DNM1: variants seen among roughly 807,000 people sequenced by gnomAD.
DNM1 encodes the protein dynamin 1, also known as dynamin-1.
DNM1 carries 29 observed loss-of-function variants against 104.6 expected under a neutral mutation model. The ratio of observed to expected loss-of-function variants is 0.28; its 90% CI spans 0.21 to 0.38. The LOEUF (loss-of-function observed/expected upper bound fraction) is 0.38, where lower values mean the gene tolerates loss of function less well. DNM1 is among the 10% of genes least tolerant of loss of function. The pLI is 1.00. For missense variants in DNM1, 640 were observed against 1,189.4 expected, an observed-to-expected ratio of 0.54 and a Z score of 6.79; for synonymous variants, 445 against 475.8, an observed-to-expected ratio of 0.94 and a Z score of 0.84.
At chr9:128,246,693 T>C (rs978576940) in intron 16 of DNM1, among the ~76,000 whole-genome samples, 190 bp downstream of exon 16, 8 of 146,364 alleles carry the variant, frequency 5.5e-5, no homozygotes, top group African/African-American at 2.0e-4. Context: ...CCCCTCCCCT[T>C]CCCTTCCCTC....
Position 128,222,356 on chromosome 9 carries a change from T to C in DNM1, c.992+17T>C, listed in dbSNP as rs751201069. Reference sequence around the variant, plus strand: ...CCTGCTGCAGTGAGGCTCCCCCAGCTCCTATCACTGAATCCCCGCCCCCAG... The same window carrying C: ...CCTGCTGCAGTGAGGCTCCCCCAGCCCCTATCACTGAATCCCCGCCCCCAG... On this transcript the variant is annotated intron_variant, in intron 7 of 21. Coordinates refer to ENST00000372923, the MANE Select transcript of DNM1 (RefSeq NM_004408.4). This position sits in a 1 kb window ranked among gnomAD's most constrained non-coding sequence, Gnocchi z 7.8. 4.3e-6 allele frequency: 7 copies of C among 1,610,242 alleles called. No individual in the cohort carries two copies. The South Asian group carries it at 7.7e-5, about 18-fold the overall frequency.
intron 1 of DNM1, among the ~76,000 whole-genome samples, chr9:128,216,407 G>C (rs149843703): frequency 6.6e-6 from 1 of 152,318 alleles, no homozygotes; most frequent in East Asian, 1.9e-4. Context: ...CTCTATATCA[G>C]AGCACAGATT....
chr9:128,241,474 C>T (rs1236551517), intron 14 of DNM1, among the ~76,000 whole-genome samples: 1 of 152,152 alleles, frequency 6.6e-6, no homozygotes, highest in African/African-American at 2.4e-5. Flanking sequence ...GAGCCAAAGA[C>T]CCTTAGAACC....
chr9:128,208,219 C>G (rs1275828253), intron 1 of DNM1, among the ~76,000 whole-genome samples: 2 of 152,020 alleles, frequency 1.3e-5, no homozygotes, highest in Non-Finnish European at 2.9e-5. Flanking sequence ...ACCACCACGC[C>G]CGGCTAATTT....
chr9:128,218,759 C>G lies in DNM1; in HGVS notation c.385+28C>G. ...GAGGACCCTGGCCCCGCCCTAACCT[C>G]TAAGAATCATTTTCTTGGCCACGCA... On this transcript the variant is annotated intron_variant, in intron 3 of 21. Transcript: ENST00000372923. The surrounding 1 kb of genome is among the most constrained non-coding windows in gnomAD (Gnocchi z 4.8). 1 of 1,568,082 alleles carries G rather than the reference C, an allele frequency of 6.4e-7. No homozygotes were observed. Among genetic ancestry groups the G allele is most frequent in the South Asian group, 1.1e-5 (1 of 87,088 alleles).
chr9:128,231,176 G>A (rs1243254705), intron 10 of DNM1, among the ~76,000 whole-genome samples: 3 of 144,752 alleles, frequency 2.1e-5, no homozygotes, highest in Non-Finnish European at 4.5e-5. Flanking sequence ...TCTAAAAGGA[G>A]GAAACTGATA....
chr9:128,238,951 G>A (rs769488128), intron 11 of DNM1, among the ~76,000 whole-genome samples: 3 of 151,096 alleles, frequency 2.0e-5, no homozygotes, highest in Admixed American at 6.6e-5. Flanking sequence ...CACCGCACCT[G>A]GCCAATTTGT....
In DNM1 at chr9:128,220,742, C is replaced by CGCGCGTGTGTGTGTGT. The variant is rs61020870; in HGVS notation, c.849+402_849+403insCGCGTGTGTGTGTGTG. On this transcript the variant is annotated intron_variant, in intron 6 of 21. Transcript: ENST00000372923. The surrounding 1 kb of genome is among the most constrained non-coding windows in gnomAD (Gnocchi z 5.2). ...CAGAACTGAAGTGCGCGCGCGCGCGCGTGTGTGTGTGTGTGTGTGTGTGTG... is the reference window on the plus strand; with the variant it reads ...CAGAACTGAAGTGCGCGCGCGCGCGCGCGCGTGTGTGTGTGTGTGTGTGTGTGTGTGTGTGTGTGTG... Among the ~76,000 whole-genome samples, 820 of 136,302 alleles carry CGCGCGTGTGTGTGTGT rather than the reference C, an allele frequency of 6.0e-3. 5 individuals are homozygous for CGCGCGTGTGTGTGTGT. The highest frequency in any genetic ancestry group is 0.02 in the African/African-American group (761 of 37,756). 89.4% of individuals were successfully genotyped at this position (136,302 alleles called of 152,430 possible).
In DNM1 at chr9:128,220,742, C is replaced by CGCGCGCGCGCGCGTGTGT. The variant is rs61020870; in HGVS notation, c.849+402_849+403insCGCGCGCGCGCGTGTGTG. 7.3e-6 allele frequency among the ~76,000 whole-genome samples: 1 copy of CGCGCGCGCGCGCGTGTGT among 136,278 alleles called. No individual in the cohort carries two copies. Among genetic ancestry groups the CGCGCGCGCGCGCGTGTGT allele is most frequent in the African/African-American group, 2.7e-5 (1 of 37,720 alleles). 89.4% of individuals were successfully genotyped at this position (136,278 alleles called of 152,430 possible). A position where few individuals can be genotyped will look rare whatever the true frequency, so the allele number is the denominator to read the frequency against. On this transcript the variant is annotated intron_variant, in intron 6 of 21. Transcript: ENST00000372923. The surrounding 1 kb of genome is among the most constrained non-coding windows in gnomAD (Gnocchi z 5.2). ...CAGAACTGAAGTGCGCGCGCGCGCG[C>CGCGCGCGCGCGCGTGTGT]GTGTGTGTGTGTGTGTGTGTGTGTG...
intron 1 of DNM1, among the ~76,000 whole-genome samples, chr9:128,217,992 A>G (rs1334429017): frequency 1.3e-5 from 2 of 152,134 alleles, no homozygotes; most frequent in Admixed American, 1.3e-4. Context: ...CTAGGAGTTG[A>G]TCCAGTCTCT....
intron 10 of DNM1, among the ~76,000 whole-genome samples, chr9:128,230,912 T>C (rs143787903): frequency 0.016 from 2,445 of 151,902 alleles, 38 homozygotes; most frequent in Non-Finnish European, 0.022. Context: ...AAACGATTCT[T>C]ATGCCTCAGC....
rs1341175312 is a variant in DNM1 at position 128,253,833 on chromosome 9, G to T, written c.2535-821G>T. ...ACTGAAGGCAGTGTCCCTGGCCCCA[G>T]CTGAAGCACCGTAGCCAGCCAGCGG... On this transcript the variant is annotated intron_variant, in intron 21 of 21. Transcript: ENST00000372923. This position sits in a 1 kb window ranked among gnomAD's most constrained non-coding sequence, Gnocchi z 5.9. The T allele has an allele frequency of 2.0e-6, 2 of 1,004,512 alleles. No individual in the cohort carries two copies. Among genetic ancestry groups the T allele is most frequent in the East Asian group, 6.6e-5 (2 of 30,220 alleles). 62.2% of individuals were successfully genotyped at this position (1,004,512 alleles called of 1,614,324 possible).
At position 128,220,938 on chromosome 9, in the gene DNM1, C is replaced by A. The variant is rs199692619; in HGVS notation, c.849+597C>A. On this transcript the variant is annotated intron_variant, in intron 6 of 21. Transcript: ENST00000372923. The surrounding 1 kb of genome is among the most constrained non-coding windows in gnomAD (Gnocchi z 5.2). ...CTTTCTTTCTTTCTTTCTTTCTTTTCTTTTCTTTCTTTCTTTCCTTTCTTC... is the reference window on the plus strand; with the variant it reads ...CTTTCTTTCTTTCTTTCTTTCTTTTATTTTCTTTCTTTCTTTCCTTTCTTC... Among the ~76,000 whole-genome samples the A allele has an allele frequency of 3.0e-5, 2 of 67,546 alleles. No homozygotes were observed. The highest frequency in any genetic ancestry group is 5.0e-4 in the East Asian group (1 of 2,010). 44.3% of individuals were successfully genotyped at this position (67,546 alleles called of 152,430 possible).
At chr9:128,249,192 CAAAA>C (rs113241852) in intron 19 of DNM1, among the ~76,000 whole-genome samples, 1 of 117,874 alleles carries the variant, frequency 8.5e-6, no homozygotes, top group Admixed American at 9.0e-5. Flanking sequence ...GACTCCATCT[CAAAA>C]AAAAAAAAAA....
At chr9:128,219,439 C>G (rs1045037892) in intron 4 of DNM1, among the ~76,000 whole-genome samples, 187 bp downstream of exon 4, 1 of 147,446 alleles carries the variant, frequency 6.8e-6, no homozygotes, top group African/African-American at 2.5e-5. Flanking sequence ...GAGGCCAAGC[C>G]GGGAGGATTG....
chr9:128,247,816 G>A lies in DNM1; in HGVS notation c.1894-108G>A. 7.0e-7 allele frequency: 1 copy of A among 1,422,982 alleles called. No individual in the cohort carries two copies. The highest frequency in any genetic ancestry group is 9.7e-7 in the Non-Finnish European group (1 of 1,034,274). 88.1% of individuals were successfully genotyped at this position (1,422,982 alleles called of 1,614,324 possible). A position where few individuals can be genotyped will look rare whatever the true frequency, so the allele number is the denominator to read the frequency against. ...TCTAGAGTAGCCTGAGAGTTGGGGT[G>A]CAGTATCCCAGGTTCACTCAATCTC... is the stretch of plus-strand genomic sequence containing the variant. On this transcript the variant is annotated intron_variant, in intron 17 of 21. Coordinates refer to ENST00000372923, the MANE Select transcript of DNM1 (RefSeq NM_004408.4). This position sits in a 1 kb window ranked among gnomAD's most constrained non-coding sequence, Gnocchi z 5.1.
chr9:128,222,727 C>T lies in DNM1; in HGVS notation c.1129-66C>T. 2 of 1,604,220 alleles carry T rather than the reference C, an allele frequency of 1.2e-6. No homozygotes were observed. Among genetic ancestry groups the T allele is most frequent in the South Asian group, 2.2e-5 (2 of 90,498 alleles). On this transcript the variant is annotated intron_variant, in intron 8 of 21. Transcript: ENST00000372923. This position sits in a 1 kb window ranked among gnomAD's most constrained non-coding sequence, Gnocchi z 7.8. Reference sequence around the variant, plus strand: ...TGCCCAGCCCTAGGTGTGGGGTGGGCCCTGTCTTGACCTCCCAGGTAGTAG... The same window carrying T: ...TGCCCAGCCCTAGGTGTGGGGTGGGTCCTGTCTTGACCTCCCAGGTAGTAG...
intron 12 of DNM1, 32 bp from the exon 13 acceptor site, chr9:128,239,696 A>G: frequency 6.2e-7 from 1 of 1,605,032 alleles, no homozygotes; most frequent in East Asian, 2.2e-5. Context: ...CCTCTTGAGA[A>G]GTTCTGAGAC....
At chr9:128,242,391 G>C in intron 15 of DNM1, 46 bp downstream of exon 15, 1 of 1,132,784 alleles carries the variant, frequency 8.8e-7, no homozygotes, top group Non-Finnish European at 1.3e-6. Context: ...CTGGTGGACA[G>C]AGTCAGGCTC....
Sources: gnomAD v4.1 joint callset for allele counts (sites outside exome capture counted in the v4.1 genomes callset) on GRCh38, gnomAD v4.1.1 for gene constraint, Gnocchi (gnomAD v3.1) non-coding constraint, MANE v1.5 for transcripts, NCBI Gene and HGNC (gene_info 2026-07-23, HGNC 2026-07-21) for gene names.